Variants in UPP2 observed in about 807,000 individuals in gnomAD.
The protein encoded by UPP2 is UPase 2.
A neutral mutation model predicts 26.7 loss-of-function variants in UPP2; 23 were observed. The observed-to-expected ratio is 0.86, with a 90% CI of 0.62 to 1.22. UPP2 has a LOEUF of 1.22. UPP2 is among the 50% of genes most tolerant of loss of function. The pLI is 0.00. For missense variants in UPP2, 387 were observed against 396.7 expected (o/e 0.98, Z 0.21); for synonymous variants, 127 against 141.3 (o/e 0.90, Z 0.72).
chr2:158,020,467 C>T (rs1683732278), intron 3 of UPP2, among the ~76,000 whole-genome samples: 1 of 152,230 alleles, frequency 6.6e-6, no homozygotes. Flanking sequence ...GTGGAGCTGG[C>T]ATCTCTGCTC....
chr2:158,024,867 A>G (rs924947880), intron 3 of UPP2, among the ~76,000 whole-genome samples: 4 of 152,124 alleles, frequency 2.6e-5, no homozygotes, highest in Non-Finnish European at 5.9e-5. Context: ...AAAAAAAATT[A>G]TCATCTGGTA....
chr2:158,123,722 C>A, intron 5 of UPP2, 27 bp from the exon 6 acceptor site: 2 of 1,606,684 alleles, frequency 1.2e-6, no homozygotes, highest in South Asian at 1.1e-5. Flanking sequence ...GACATCAAGT[C>A]ACTAAACGTT....
In UPP2 at chr2:158,064,589, T is replaced by C. The variant is rs531914641; in HGVS notation, c.148-37451T>C. Among the ~76,000 whole-genome samples the C allele has an allele frequency of 1.6e-4, 25 of 152,338 alleles. No homozygotes were observed. In the East Asian group the frequency reaches 4.8e-3, roughly 29 times the overall value. ...TTTGCTGTGCAGAAGCTCTTTAGTTTAATTAGATCCCATTTGTCAATTTTG... is the reference window on the plus strand; with the variant it reads ...TTTGCTGTGCAGAAGCTCTTTAGTTCAATTAGATCCCATTTGTCAATTTTG... On this transcript the variant is annotated intron_variant, in intron 3 of 9. Transcript: ENST00000605860.
rs1439905089 is a variant in UPP2 at position 158,117,886 on chromosome 2, T to C, written c.402T>C (p.His134=). Residue 134 remains histidine, a synonymous_variant, in exon 4 of 7, where the codon CAT becomes CAC. Transcript: ENST00000005756. ...ATGAACTCATCAAATTACTCCACCA[T>C]GCACGGTGCTGCGATGTCACCATTA... ...MLHELIKLLH[H]ARCCDVTIIR... The C allele has an allele frequency of 3.7e-6, 6 of 1,613,270 alleles. No homozygotes were observed. The highest frequency in any genetic ancestry group is 5.1e-6 in the Non-Finnish European group (6 of 1,179,284).
chr2:158,077,433 A>G (rs1682647910), intron 3 of UPP2, among the ~76,000 whole-genome samples: 1 of 152,310 alleles, frequency 6.6e-6, no homozygotes, highest in Non-Finnish European at 1.5e-5. Flanking sequence ...TGGTACTGCC[A>G]TAAAAACAGA....
At chr2:158,041,896 T>G (rs1362289453) in intron 3 of UPP2, among the ~76,000 whole-genome samples, 1 of 152,216 alleles carries the variant, frequency 6.6e-6, no homozygotes, top group East Asian at 1.9e-4. Context: ...AGATCATATT[T>G]CAAATGCCCT....
chr2:158,021,612 G>C (rs540302847), intron 3 of UPP2, among the ~76,000 whole-genome samples: 1 of 152,196 alleles, frequency 6.6e-6, no homozygotes, highest in African/African-American at 2.4e-5. Flanking sequence ...TATCTCACCT[G>C]TCACTATGAT....
At chr2:158,025,078 T>A (rs1425142823) in intron 3 of UPP2, among the ~76,000 whole-genome samples, 1 of 151,760 alleles carries the variant, frequency 6.6e-6, no homozygotes, top group African/African-American at 2.4e-5. Flanking sequence ...GCGGGGTGCC[T>A]GTAATCCCAG....
chr2:158,035,391 A>G (rs1454320131), intron 3 of UPP2, among the ~76,000 whole-genome samples: 2 of 152,102 alleles, frequency 1.3e-5, no homozygotes, highest in African/African-American at 4.8e-5. Flanking sequence ...TCCTGACCTC[A>G]TAATCCACCT....
intron 2 of UPP2, among the ~76,000 whole-genome samples, chr2:158,001,128 T>C (rs1399854083): frequency 2.0e-5 from 3 of 152,208 alleles, no homozygotes; most frequent in Non-Finnish European, 2.9e-5. Flanking sequence ...CCCGATCATT[T>C]GCCATTGCCA....
chr2:158,034,679 G>C (rs978214883), intron 3 of UPP2, among the ~76,000 whole-genome samples: 1 of 152,180 alleles, frequency 6.6e-6, no homozygotes, highest in Non-Finnish European at 1.5e-5. Context: ...GACTAATTAC[G>C]CATAGTGAAT....
intron 3 of UPP2, among the ~76,000 whole-genome samples, chr2:158,020,800 T>C (rs1383700082): frequency 6.6e-6 from 1 of 152,224 alleles, no homozygotes; most frequent in Non-Finnish European, 1.5e-5. Flanking sequence ...CTGGCATAAA[T>C]AAGTGGAGCA....
intron 3 of UPP2, among the ~76,000 whole-genome samples, chr2:158,054,715 C>T (rs1682219954): frequency 6.6e-6 from 1 of 152,124 alleles, no homozygotes; most frequent in South Asian, 2.1e-4. Flanking sequence ...TCTTCTCATC[C>T]CCATAAATAG....
intron 6 of UPP2, among the ~76,000 whole-genome samples, chr2:158,129,485 A>C (rs1053026406): frequency 6.6e-6 from 1 of 152,072 alleles, no homozygotes; most frequent in African/African-American, 2.4e-5. Flanking sequence ...GGATGAAATG[A>C]GGTCTAGAGA....
At chr2:158,083,257 G>A (rs544541922) in intron 3 of UPP2, among the ~76,000 whole-genome samples, 7 of 152,216 alleles carry the variant, frequency 4.6e-5, no homozygotes, top group African/African-American at 1.7e-4. Flanking sequence ...ACATGCACAC[G>A]TATGTTTATT....
At chr2:158,103,140 T>C in intron 1 of UPP2, among the ~76,000 whole-genome samples, 1 of 152,166 alleles carries the variant, frequency 6.6e-6, no homozygotes, top group South Asian at 2.1e-4. Context: ...AAATTTGGCA[T>C]GAAATCCCAA....
At chr2:158,083,962 T>C (rs532889040) in intron 3 of UPP2, among the ~76,000 whole-genome samples, 4 of 151,566 alleles carry the variant, frequency 2.6e-5, no homozygotes, top group Admixed American at 2.6e-4. Context: ...ATTTTGCTGC[T>C]ATAAACGTGC....
intron 2 of UPP2, among the ~76,000 whole-genome samples, chr2:158,012,721 T>C (rs1683600220): frequency 6.6e-6 from 1 of 152,154 alleles, no homozygotes; most frequent in Non-Finnish European, 1.5e-5. Context: ...ATTATACCAA[T>C]TTTTAGAAAA....
chr2:158,093,568 G>A (rs1205733659), intron 3 of UPP2, among the ~76,000 whole-genome samples: 1 of 152,030 alleles, frequency 6.6e-6, no homozygotes, highest in African/African-American at 2.4e-5. Context: ...GAAAATACGG[G>A]CAAAGAATGG....
Sources: gnomAD v4.1 joint callset for allele counts (sites outside exome capture counted in the v4.1 genomes callset) on GRCh38, gnomAD v4.1.1 for gene constraint, MANE v1.5 for transcripts, NCBI Gene and HGNC (gene_info 2026-07-23, HGNC 2026-07-21) for gene names.